CA5A: variants seen among roughly 807,000 people sequenced by gnomAD.
The protein encoded by CA5A is carbonic anhydrase 5A, mitochondrial.
Under a neutral mutation model 37.1 loss-of-function variants are expected in CA5A, and 28 were observed. The observed-to-expected ratio is 0.75, with a 90% CI of 0.56 to 1.03. The LOEUF (loss-of-function observed/expected upper bound fraction) is 1.03. Among genes scored for constraint, CA5A ranks in the 50% least tolerant of loss-of-function variants. CA5A has a pLI of 0.00. For synonymous variants in CA5A, 171 were observed against 158.4 expected, an observed-to-expected ratio of 1.08 and a Z score of -0.60; for missense variants, 444 against 399.9, an observed-to-expected ratio of 1.11 and a Z score of -0.94.
At chr16:87,901,160 G>T (rs957699656) in intron 5 of CA5A, among the ~76,000 whole-genome samples, 2 of 152,204 alleles carry the variant, frequency 1.3e-5, no homozygotes, top group Non-Finnish European at 2.9e-5. Flanking sequence ...AACCCGGGAG[G>T]CGGAGGTTGC....
intron 5 of CA5A, chr16:87,893,563 G>A (rs2055756401): frequency 3.1e-6 from 2 of 637,720 alleles, no homozygotes; most frequent in African/African-American, 1.9e-5. Flanking sequence ...TCGGCCTAAA[G>A]GTCTGGAGGG....
chr16:87,913,772 C>G (rs2056087485), intron 2 of CA5A, among the ~76,000 whole-genome samples: 1 of 152,140 alleles, frequency 6.6e-6, no homozygotes, highest in Admixed American at 6.5e-5. Flanking sequence ...CTTGCACACA[C>G]CTGGGGAGCG....
chr16:87,905,091 C>T (rs535148444), intron 2 of CA5A, among the ~76,000 whole-genome samples, 187 bp from the exon 3 acceptor site: 1 of 152,004 alleles, frequency 6.6e-6, no homozygotes, highest in African/African-American at 2.4e-5. Flanking sequence ...CACTCTGCCC[C>T]CCCCCAGCCC....
intron 5 of CA5A, among the ~76,000 whole-genome samples, chr16:87,895,157 G>A (rs879362985): frequency 1.4e-4 from 22 of 152,188 alleles, no homozygotes; most frequent in Admixed American, 1.3e-4. Context: ...GGCTGAGGTG[G>A]GAGGATGGCT....
chr16:87,898,657 A>G (rs1206561049), intron 5 of CA5A, among the ~76,000 whole-genome samples: 1 of 151,886 alleles, frequency 6.6e-6, no homozygotes, highest in Non-Finnish European at 1.5e-5. Context: ...CCTTAAACTC[A>G]ACTGCACATT....
Position 87,888,019 on chromosome 16 carries a change from C to T in CA5A, c.*110G>A. The T allele has an allele frequency of 1.4e-6, 2 of 1,465,164 alleles. No individual in the cohort carries two copies. Among genetic ancestry groups the T allele is most frequent in the Non-Finnish European group, 1.8e-6 (2 of 1,094,092 alleles). The allele number at this position is 1,465,164 out of a possible 1,614,324, so 90.8% of individuals were successfully genotyped here. A position where few individuals can be genotyped will look rare whatever the true frequency, so the allele number is the denominator to read the frequency against. The stretch of plus-strand genomic sequence containing the variant: ...AGTACTTCGACTAAAACAATAACCT[C>T]ATGCTCTCTTTTTAATTTCAGAAGT... On this transcript the variant is annotated 3_prime_UTR_variant, in exon 7 of 7. Coordinates refer to ENST00000649794, the MANE Select transcript of CA5A (RefSeq NM_001739.2).
chr16:87,932,369 G>T (rs993412544), intron 1 of CA5A, among the ~76,000 whole-genome samples: 30 of 152,162 alleles, frequency 2.0e-4, no homozygotes, highest in African/African-American at 6.5e-4. Context: ...TGGGAAGAGC[G>T]GGTAATTTTA....
chr16:87,914,645 G>A (rs2056105339), intron 2 of CA5A, among the ~76,000 whole-genome samples: 1 of 152,100 alleles, frequency 6.6e-6, no homozygotes, highest in African/African-American at 2.4e-5. Flanking sequence ...GGTGGGCATG[G>A]GGGCTCAGCT....
chr16:87,890,526 C>T (rs1567513753), intron 6 of CA5A, among the ~76,000 whole-genome samples: 2 of 152,190 alleles, frequency 1.3e-5, no homozygotes, highest in African/African-American at 2.4e-5. Context: ...ATAGGCAGCA[C>T]GTCTGTGGCT....
At chr16:87,925,310 G>GT (rs2056289762) in intron 2 of CA5A, among the ~76,000 whole-genome samples, 1 of 152,172 alleles carries the variant, frequency 6.6e-6, no homozygotes, top group African/African-American at 2.4e-5. Context: ...ACGCGAAGAG[G>GT]TGTCTGGGCT....
At chr16:87,901,762 T>C (rs1293404964) in intron 5 of CA5A, 150 bp downstream of exon 5, 6 of 548,594 alleles carry the variant, frequency 1.1e-5, no homozygotes, top group Non-Finnish European at 2.1e-5. Context: ...TAGTTTTGTA[T>C]TTTTAGTGGA....
At chr16:87,927,817 C>T (rs1336682550) in intron 1 of CA5A, among the ~76,000 whole-genome samples, 2 of 149,340 alleles carry the variant, frequency 1.3e-5, no homozygotes, top group African/African-American at 5.0e-5. Context: ...GCCGAGATCG[C>T]GCCACTGCAC....
chr16:87,934,778 G>A (rs1484900569), intron 1 of CA5A, among the ~76,000 whole-genome samples: 1 of 152,148 alleles, frequency 6.6e-6, no homozygotes, highest in East Asian at 1.9e-4. Context: ...TGGCCAACAT[G>A]GCGAAATCCT....
At chr16:87,905,565 G>A (rs569966201) in intron 2 of CA5A, among the ~76,000 whole-genome samples, 1 of 152,238 alleles carries the variant, frequency 6.6e-6, no homozygotes, top group South Asian at 2.1e-4. Context: ...CACCATGTTA[G>A]CCAGGCTGGT....
chr16:87,934,269 G>C (rs1055405686), intron 1 of CA5A, among the ~76,000 whole-genome samples: 1 of 152,258 alleles, frequency 6.6e-6, no homozygotes, highest in Non-Finnish European at 1.5e-5. Flanking sequence ...GGGAAGTTAA[G>C]AAAGTCACAG....
Position 87,917,206 on chromosome 16 carries a change from C to G in CA5A, c.340+9542G>C, listed in dbSNP as rs151229522. On this transcript the variant is annotated intron_variant, in intron 2 of 6. Transcript: ENST00000649794. ...GTGGCTCCACTGCCTGACATTTTGT[C>G]CAACATGATCGCACCCCTGGTCACA... 6.0e-4 allele frequency among the ~76,000 whole-genome samples: 92 copies of G among 152,120 alleles called. 1 individual carries two copies. Among genetic ancestry groups the G allele is most frequent in the African/African-American group, 2.2e-3 (92 of 41,506 alleles).
At chr16:87,917,008 G>C (rs1039592810) in intron 2 of CA5A, among the ~76,000 whole-genome samples, 3 of 151,896 alleles carry the variant, frequency 2.0e-5, no homozygotes, top group Admixed American at 1.3e-4. Flanking sequence ...GGGAGGCTGA[G>C]GCAGGAGAAT....
At position 87,888,938 on chromosome 16, in the gene CA5A, A is replaced by C. The variant is rs1167647638; in HGVS notation, c.775-666T>G. On this transcript the variant is annotated intron_variant, in intron 6 of 6. Coordinates refer to ENST00000649794, the MANE Select transcript of CA5A (RefSeq NM_001739.2). ...CGGCTAATTTTTTTTTTTTTTTTTGAGATGGAGTTTCGCTCCTGTTGCCCA... is the reference window on the plus strand; with the variant it reads ...CGGCTAATTTTTTTTTTTTTTTTTGCGATGGAGTTTCGCTCCTGTTGCCCA... Among the ~76,000 whole-genome samples the C allele has an allele frequency of 2.6e-5, 3 of 117,504 alleles. No homozygotes were observed. The Admixed American group carries it at 2.7e-4, about 10-fold the overall frequency. 77.1% of individuals were successfully genotyped at this position (117,504 alleles called of 152,430 possible). A position where few individuals can be genotyped will look rare whatever the true frequency, so the allele number is the denominator to read the frequency against.
At position 87,891,863 on chromosome 16, in the gene CA5A, G is replaced by A. The variant is rs192069274; in HGVS notation, c.710C>T (p.Pro237Leu). The change falls in exon 6 of 7, where the codon CCG (proline) becomes CTG (leucine). Residue 237 changes from proline (P) to leucine (L), a missense_variant. Coordinates refer to ENST00000649794, the MANE Select transcript of CA5A (RefSeq NM_001739.2). ...YWTYAGSLTT[P>L]PLTESVTWII... ...CCAGGTGACCGACTCGGTCAGCGGC[G>A]GGGTGGTGAGCGAGCCCGCGTAGGT... The A allele has an allele frequency of 4.1e-5, 65 of 1,579,114 alleles. No homozygotes were observed. In the African/African-American group the frequency reaches 4.7e-4, roughly 11 times the overall value.
Sources: gnomAD v4.1 joint callset for allele counts (sites outside exome capture counted in the v4.1 genomes callset) on GRCh38, gnomAD v4.1.1 for gene constraint, MANE v1.5 for transcripts, NCBI Gene and HGNC (gene_info 2026-07-23, HGNC 2026-07-21) for gene names.